The following CYP39A1 variants were observed in gnomAD, a reference collection of about 807,000 sequenced individuals.
CYP39A1 encodes the protein 24-hydroxycholesterol 7-alpha-hydroxylase.
Under a neutral mutation model 58.1 loss-of-function variants are expected in CYP39A1, and 49 were observed. That is an observed-to-expected ratio of 0.84 (90% CI 0.67 to 1.07). The LOEUF (loss-of-function observed/expected upper bound fraction) is 1.07. Ranked by LOEUF, CYP39A1 falls within the 50% of genes least tolerant of loss-of-function variation. The pLI is 0.00. For synonymous variants in CYP39A1, 209 were observed against 187.6 expected (o/e 1.11, Z -0.93); for missense variants, 531 against 539.4 (o/e 0.98, Z 0.16).
At chr6:46,605,880 CA>C (rs1310518118) in intron 7 of CYP39A1, among the ~76,000 whole-genome samples, 2 of 152,146 alleles carry the variant, frequency 1.3e-5, no homozygotes, top group Non-Finnish European at 2.9e-5. Flanking sequence ...CTACACTGGA[CA>C]AATCAATCAA....
chr6:46,650,435 G>A (rs1219567380), intron 1 of CYP39A1, among the ~76,000 whole-genome samples: 1 of 135,558 alleles, frequency 7.4e-6, no homozygotes, highest in Non-Finnish European at 1.6e-5. Context: ...AGACAAGAGT[G>A]AACCTTAAAA....
At chr6:46,559,411 C>T (rs1770846900) in intron 10 of CYP39A1, among the ~76,000 whole-genome samples, 1 of 152,060 alleles carries the variant, frequency 6.6e-6, no homozygotes, top group East Asian at 1.9e-4. Context: ...CTGTGAAGTG[C>T]TCAATTTAAG....
intron 1 of CYP39A1, among the ~76,000 whole-genome samples, chr6:46,649,526 G>C (rs879445721): frequency 3.2e-4 from 49 of 152,316 alleles, no homozygotes; most frequent in African/African-American, 9.9e-4. Flanking sequence ...CCATATCCAT[G>C]CATCTTCAAA....
intron 7 of CYP39A1, among the ~76,000 whole-genome samples, chr6:46,613,556 T>C (rs1774342786): frequency 6.6e-6 from 1 of 152,292 alleles, no homozygotes; most frequent in East Asian, 1.9e-4. Flanking sequence ...TGTTTATTAA[T>C]TTATTGTTTA....
chr6:46,580,691 T>C (rs1306667651), intron 10 of CYP39A1, among the ~76,000 whole-genome samples: 1 of 151,814 alleles, frequency 6.6e-6, no homozygotes, highest in East Asian at 1.9e-4. Context: ...GGGCAAATAA[T>C]ATGAACAGAC....
At chr6:46,615,847 C>T (rs553234746) in intron 7 of CYP39A1, among the ~76,000 whole-genome samples, 1 of 152,160 alleles carries the variant, frequency 6.6e-6, no homozygotes, top group East Asian at 1.9e-4. Context: ...CCCCAATCAG[C>T]TCTTCCTCTA....
chr6:46,642,614 C>T lies in CYP39A1; in HGVS notation c.178-316G>A, dbSNP rs112321323. 5.9e-5 allele frequency among the ~76,000 whole-genome samples: 9 copies of T among 152,072 alleles called. 3 individuals carry two copies. The highest frequency in any genetic ancestry group is 2.2e-4 in the African/African-American group (9 of 41,502). On this transcript the variant is annotated intron_variant, in intron 1 of 11. Transcript: ENST00000275016. ...TTATATCAACATTGTGACATTTAAA[C>T]ATTGTTTTCAAGATATTGGTAGACT...
Sources: gnomAD v4.1 joint callset for allele counts (sites outside exome capture counted in the v4.1 genomes callset) on GRCh38, gnomAD v4.1.1 for gene constraint, MANE v1.5 for transcripts, NCBI Gene and HGNC (gene_info 2026-07-23, HGNC 2026-07-21) for gene names.